LIPA: variants seen among roughly 807,000 people sequenced by gnomAD.
LIPA encodes lysosomal acid lipase/cholesteryl ester hydrolase.
Under a neutral mutation model 40.6 loss-of-function variants are expected in LIPA, and 26 were observed. The ratio of observed to expected loss-of-function variants is 0.64; its 90% CI spans 0.47 to 0.89. The LOEUF (loss-of-function observed/expected upper bound fraction) is 0.89, where lower values mean the gene tolerates loss of function less well. Among genes scored for constraint, LIPA ranks in the 40% least tolerant of loss-of-function variants. The pLI, the probability that LIPA is intolerant of heterozygous loss-of-function variation, is 0.00. For synonymous variants in LIPA, 188 were observed against 168.4 expected (o/e 1.12, Z -0.90); for missense variants, 455 against 479.6 (o/e 0.95, Z 0.48).
intron 1 of LIPA, among the ~76,000 whole-genome samples, chr10:89,266,792 T>C (rs1015237605): frequency 7.2e-5 from 11 of 152,254 alleles, no homozygotes; most frequent in African/African-American, 2.4e-4. Flanking sequence ...CTACAAAGTG[T>C]TCTGTGACTT....
chr10:89,329,161 G>A (rs1049732592), intron 1 of LIPA, among the ~76,000 whole-genome samples: 5 of 152,116 alleles, frequency 3.3e-5, no homozygotes, highest in Non-Finnish European at 5.9e-5. Context: ...AGACCCCATC[G>A]ACCATTCAGG....
intron 2 of LIPA, among the ~76,000 whole-genome samples, chr10:89,396,181 T>C (rs1480443304): frequency 6.6e-6 from 1 of 152,172 alleles, no homozygotes. Flanking sequence ...CACCACATTG[T>C]TTTCCACAGC....
chr10:89,225,352 C>CA (rs1012522867), intron 5 of LIPA, 124 bp from the exon 6 acceptor site: 11 of 1,138,172 alleles, frequency 9.7e-6, no homozygotes, highest in Non-Finnish European at 1.3e-5. Context: ...ACAATACCAC[C>CA]AGCAGGAGCC....
upstream of LIPA, among the ~76,000 whole-genome samples, chr10:89,345,931 A>T (rs1254685149): frequency 2.0e-5 from 3 of 152,210 alleles, no homozygotes; most frequent in African/African-American, 7.2e-5. Context: ...AAAAATGCTA[A>T]TCCTCAAATA....
intron 2 of LIPA, chr10:89,403,175 C>A: frequency 6.2e-7 from 1 of 1,613,874 alleles, no homozygotes; most frequent in East Asian, 2.2e-5. Context: ...CACAAATGAT[C>A]CAAATCAAGG....
rs116668792 is a variant in LIPA at position 89,395,722 on chromosome 10, A to C, written c.61+17069T>G. On this transcript the variant is annotated intron_variant, in intron 2 of 8. Coordinates refer to the LIPA transcript ENST00000371837. ...AATAAAGAAGTATCCCAAGAAAGGC[A>C]CATTGTAAATATCCATGACCAAATA... Among the ~76,000 whole-genome samples the C allele has an allele frequency of 5.2e-3, 791 of 152,312 alleles. 2 individuals are homozygous for C. The highest frequency in any genetic ancestry group is 0.018 in the African/African-American group (757 of 41,556).
chr10:89,320,748 C>T (rs1843566791), intron 1 of LIPA, among the ~76,000 whole-genome samples: 1 of 152,226 alleles, frequency 6.6e-6, no homozygotes, highest in African/African-American at 2.4e-5. Flanking sequence ...AAAATAGAGC[C>T]TGCATTGCCA....
At chr10:89,338,806 G>A (rs749802192) in intron 1 of LIPA, 1 of 1,614,156 alleles carries the variant, frequency 6.2e-7, no homozygotes, top group South Asian at 1.1e-5. Flanking sequence ...TGAGTTCAAA[G>A]CTACAATGTA....
intron 3 of LIPA, among the ~76,000 whole-genome samples, chr10:89,229,382 C>T (rs1220930894): frequency 6.6e-6 from 1 of 152,168 alleles, no homozygotes; most frequent in East Asian, 1.9e-4. Context: ...AGTAAGACTA[C>T]TCTGCATGAT....
In LIPA at chr10:89,294,251, G is replaced by A. The variant is rs183183778; in HGVS notation, c.-1-46602C>T. ...AACTGCAGTCTAAAAAATTAATGCT[G>A]AAAAATGTCTTAGTCCATTTTTTTC... On this transcript the variant is annotated intron_variant, in intron 1 of 5. Coordinates refer to the LIPA transcript ENST00000282673. Among the ~76,000 whole-genome samples the A allele has an allele frequency of 4.9e-4, 75 of 152,322 alleles. No individual in the cohort carries two copies. In the Middle Eastern group the frequency reaches 0.01, roughly 21 times the overall value.
chr10:89,392,480 CG>C (rs1261535108), intron 2 of LIPA: 3 of 242,750 alleles, frequency 1.2e-5, no homozygotes, highest in South Asian at 2.2e-4. Flanking sequence ...CACCCCCCCC[CG>C]TCAGCAGGAA....
chr10:89,253,987 G>T (rs1843168027), upstream of LIPA, among the ~76,000 whole-genome samples: 1 of 152,228 alleles, frequency 6.6e-6, no homozygotes, highest in South Asian at 2.1e-4. Context: ...TGCCCCTGTG[G>T]CTTTGCAGGG....
At chr10:89,377,588 C>T (rs1043317010) in intron 2 of LIPA, among the ~76,000 whole-genome samples, 4 of 152,208 alleles carry the variant, frequency 2.6e-5, no homozygotes, top group Admixed American at 2.0e-4. Flanking sequence ...ACCTAACCAT[C>T]TGCAACCTCA....
chr10:89,366,009 G>GGGA (rs1239736247), intron 2 of LIPA, among the ~76,000 whole-genome samples: 1 of 152,156 alleles, frequency 6.6e-6, no homozygotes, highest in Non-Finnish European at 1.5e-5. Context: ...TAGCTTGATG[G>GGGA]GGATGGCATT....
intron 2 of LIPA, among the ~76,000 whole-genome samples, chr10:89,246,558 T>C (rs1260375856): frequency 1.3e-5 from 2 of 152,212 alleles, no homozygotes; most frequent in African/African-American, 4.8e-5. Flanking sequence ...TGTTATCAGG[T>C]CATACTCTCC....
Position 89,301,149 on chromosome 10 carries a change from C to T in LIPA, c.-2+41462G>A, listed in dbSNP as rs1456722105. ...CCAATTTACAAAACCGAAGCAGAGA[C>T]ATTCAATAATTTTCCCCAGAGTTTC... On this transcript the variant is annotated intron_variant, in intron 1 of 5. Coordinates refer to the LIPA transcript ENST00000282673. Among the ~76,000 whole-genome samples, 4 of 152,202 alleles carry T rather than the reference C, an allele frequency of 2.6e-5. No individual in the cohort carries two copies. In the South Asian group the frequency reaches 6.2e-4, roughly 24 times the overall value.
intron 1 of LIPA, chr10:89,306,260 TG>T: frequency 6.2e-7 from 1 of 1,614,162 alleles, no homozygotes; most frequent in Non-Finnish European, 8.5e-7. Flanking sequence ...AAACTATGCC[TG>T]GGTCTACTAT....
At chr10:89,392,641 CA>C in intron 2 of LIPA, 1 of 1,557,386 alleles carries the variant, frequency 6.4e-7, no homozygotes, top group Non-Finnish European at 8.9e-7. Context: ...ATCCACAAGA[CA>C]GAATAGCCAG....
chr10:89,281,102 T>C (rs1366626341), intron 1 of LIPA, among the ~76,000 whole-genome samples: 27 of 152,224 alleles, frequency 1.8e-4, no homozygotes, highest in Admixed American at 1.8e-3. Flanking sequence ...GTCTGTTAAG[T>C]ATTTGCAACT....
Sources: gnomAD v4.1 joint callset for allele counts (sites outside exome capture counted in the v4.1 genomes callset) on GRCh38, gnomAD v4.1.1 for gene constraint, MANE v1.5 for transcripts, NCBI Gene and HGNC (gene_info 2026-07-23, HGNC 2026-07-21) for gene names.